HTR7: variants seen among roughly 807,000 people sequenced by gnomAD.
The protein encoded by HTR7 is 5-HT-7.
HTR7 carries 16 observed loss-of-function variants against 34.0 expected under a neutral mutation model. The observed-to-expected ratio is 0.47, with a 90% CI of 0.32 to 0.71. The LOEUF is 0.71. HTR7 is among the 30% of genes least tolerant of loss of function. HTR7 has a pLI of 0.04. For missense variants in HTR7, 504 were observed against 625.5 expected (o/e 0.81, Z 2.07); for synonymous variants, 265 against 260.2 (o/e 1.02, Z -0.18).
intron 1 of HTR7, among the ~76,000 whole-genome samples, chr10:90,824,991 G>A (rs1846047233): frequency 6.6e-6 from 1 of 152,240 alleles, no homozygotes; most frequent in Admixed American, 6.5e-5. Context: ...AGTGAATACA[G>A]GCAGTAGCCA....
At chr10:90,797,251 C>G (rs1845555036) in intron 1 of HTR7, among the ~76,000 whole-genome samples, 1 of 152,018 alleles carries the variant, frequency 6.6e-6, no homozygotes, top group African/African-American at 2.4e-5. Context: ...TGGAAGGGGC[C>G]TCAGAGACCA....
Position 90,780,485 on chromosome 10 carries a change from C to T in HTR7, c.540-30891G>A, listed in dbSNP as rs1426910771. The stretch of plus-strand genomic sequence containing the variant: ...CCAGGAGACGGAGGTTGCAGTGAGC[C>T]GAGATCGTGGCACTGCACTCTAGCC... On this transcript the variant is annotated intron_variant, in intron 1 of 3. Transcript: ENST00000336152. Among the ~76,000 whole-genome samples the T allele has an allele frequency of 4.8e-5, 7 of 146,242 alleles. No individual in the cohort carries two copies. In the South Asian group the frequency reaches 6.5e-4, roughly 14 times the overall value.
chr10:90,787,683 G>T (rs1379821039), intron 1 of HTR7, among the ~76,000 whole-genome samples: 1 of 152,034 alleles, frequency 6.6e-6, no homozygotes, highest in East Asian at 1.9e-4. Flanking sequence ...ATGAGAAATT[G>T]TAAATGAATG....
chr10:90,820,404 CA>C (rs1337214159), intron 1 of HTR7, among the ~76,000 whole-genome samples: 4 of 152,148 alleles, frequency 2.6e-5, no homozygotes, highest in Admixed American at 2.0e-4. Context: ...AGTTGTTGAA[CA>C]TAACTTCAGA....
Position 90,748,923 on chromosome 10 carries a change from C to T in HTR7, c.1211G>A (p.Arg404Gln), listed in dbSNP as rs1589434167. ...TYRSLLQCQY[R>Q]NINRKLSAAG... Reference sequence around the variant, plus strand: ...AGCTGAGAGCTTCCGGTTGATATTCCGGTACTGGCACTGGAGCAGGCTGCG... The same window carrying T: ...AGCTGAGAGCTTCCGGTTGATATTCTGGTACTGGCACTGGAGCAGGCTGCG... Residue 404 changes from arginine to glutamine, a missense_variant, in exon 2 of 4, where the codon CGG (arginine) becomes CAG (glutamine). Transcript: ENST00000336152. 2.5e-6 allele frequency: 4 copies of T among 1,614,170 alleles called. No individual in the cohort carries two copies. Among genetic ancestry groups the T allele is most frequent in the Non-Finnish European group, 3.4e-6 (4 of 1,180,024 alleles).
chr10:90,810,365 C>T (rs1432280306), intron 1 of HTR7, among the ~76,000 whole-genome samples: 10 of 152,070 alleles, frequency 6.6e-5, no homozygotes, highest in Non-Finnish European at 1.2e-4. Context: ...TCATGCAACC[C>T]TTACCATCTC....
At chr10:90,788,220 C>T (rs1198627716) in intron 1 of HTR7, among the ~76,000 whole-genome samples, 1 of 152,092 alleles carries the variant, frequency 6.6e-6, no homozygotes, top group Non-Finnish European at 1.5e-5. Flanking sequence ...CATCATTCTG[C>T]AGACCTCTGA....
intron 1 of HTR7, among the ~76,000 whole-genome samples, chr10:90,800,969 C>T (rs941805777): frequency 6.6e-6 from 1 of 152,186 alleles, no homozygotes; most frequent in African/African-American, 2.4e-5. Flanking sequence ...CAGCAATTCT[C>T]CTATCAGTGC....
chr10:90,857,564 G>C lies in HTR7; in HGVS notation c.108C>G (p.Gly36=). The C allele has an allele frequency of 6.3e-7, 1 of 1,595,186 alleles. No individual in the cohort carries two copies. The highest frequency in any genetic ancestry group is 8.5e-7 in the Non-Finnish European group (1 of 1,172,288). ...CCCAGGAGCCCGCGACCGGGTCGGCGCCACCGTCGGGGCTCAAGTCGGGCA... is the reference window on the plus strand; with the variant it reads ...CCCAGGAGCCCGCGACCGGGTCGGCCCCACCGTCGGGGCTCAAGTCGGGCA... ...RGLPDLSPDG[G]ADPVAGSWAP... Residue 36 remains glycine (G), a synonymous_variant, in exon 1 of 4, where the codon GGC becomes GGG. Coordinates refer to ENST00000336152, the MANE Select transcript of HTR7 (RefSeq NM_019859.4). The surrounding 1 kb of genome is among the most constrained non-coding windows in gnomAD (Gnocchi z 6.5).
At chr10:90,804,113 G>C (rs562748708) in intron 1 of HTR7, among the ~76,000 whole-genome samples, 1 of 152,146 alleles carries the variant, frequency 6.6e-6, no homozygotes, top group African/African-American at 2.4e-5. Flanking sequence ...AAAAGATGCA[G>C]CTTAACTTCA....
At chr10:90,816,456 T>G (rs974266113) in intron 1 of HTR7, among the ~76,000 whole-genome samples, 1 of 152,224 alleles carries the variant, frequency 6.6e-6, no homozygotes, top group African/African-American at 2.4e-5. Flanking sequence ...TATTATTGGA[T>G]TCCAGCTGTG....
At chr10:90,810,077 G>A (rs539994249) in intron 1 of HTR7, among the ~76,000 whole-genome samples, 29 of 152,134 alleles carry the variant, frequency 1.9e-4, no homozygotes, top group Non-Finnish European at 2.6e-4. Context: ...GGGTATTGAC[G>A]GCCAGGTTTC....
chr10:90,791,466 A>G (rs1484144263), intron 1 of HTR7, among the ~76,000 whole-genome samples: 1 of 152,124 alleles, frequency 6.6e-6, no homozygotes. Flanking sequence ...GACTAAGTGT[A>G]AAAGACCACA....
chr10:90,760,494 G>A (rs990282541), intron 1 of HTR7, among the ~76,000 whole-genome samples: 1 of 152,136 alleles, frequency 6.6e-6, no homozygotes. Flanking sequence ...GGAGGGTATC[G>A]AAAATATTCC....
chr10:90,808,242 C>T (rs886558003), intron 1 of HTR7, among the ~76,000 whole-genome samples: 1 of 152,182 alleles, frequency 6.6e-6, no homozygotes, highest in East Asian at 1.9e-4. Context: ...GTCTCTACCC[C>T]GTCTCCACCT....
At chr10:90,762,819 T>G (rs1844961363) in intron 1 of HTR7, among the ~76,000 whole-genome samples, 1 of 152,218 alleles carries the variant, frequency 6.6e-6, no homozygotes, top group African/African-American at 2.4e-5. Context: ...GGGAGTGGTG[T>G]AAGATAAGGA....
chr10:90,777,001 A>G (rs528788853), intron 1 of HTR7, among the ~76,000 whole-genome samples: 1 of 152,334 alleles, frequency 6.6e-6, no homozygotes, highest in Admixed American at 6.5e-5. Flanking sequence ...GTGAGTATAT[A>G]TCAGATAGGA....
chr10:90,785,421 G>A lies in HTR7; in HGVS notation c.540-35827C>T, dbSNP rs146336934. 8.6e-5 allele frequency among the ~76,000 whole-genome samples: 13 copies of A among 151,980 alleles called. No individual in the cohort carries two copies. In the East Asian group the frequency reaches 1.9e-3, roughly 23 times the overall value. On this transcript the variant is annotated intron_variant, in intron 1 of 3. Coordinates refer to ENST00000336152, the MANE Select transcript of HTR7 (RefSeq NM_019859.4). ...CATGTATTTTGAACTCTGTCTTCTC[G>A]GTGAAAGCGAAGTAGAGTCTAGGGG... is the stretch of plus-strand genomic sequence containing the variant.
At chr10:90,817,148 A>G (rs994161849) in intron 1 of HTR7, among the ~76,000 whole-genome samples, 8 of 152,218 alleles carry the variant, frequency 5.3e-5, no homozygotes, top group African/African-American at 1.9e-4. Context: ...AGGGGGAAAA[A>G]TGAGAAATAA....
Sources: allele counts gnomAD v4.1 joint callset (sites outside exome capture counted in the v4.1 genomes callset), GRCh38; gene constraint gnomAD v4.1.1; non-coding constraint Gnocchi (gnomAD v3.1); transcripts MANE v1.5; gene names NCBI Gene and HGNC (gene_info 2026-07-23, HGNC 2026-07-21).